The following XKR6 variants were observed in gnomAD, a reference collection of about 807,000 sequenced individuals.
The protein encoded by XKR6 is XK related 6.
A neutral mutation model predicts 56.7 loss-of-function variants in XKR6; 22 were observed. The observed-to-expected ratio is 0.39, with a 90% CI of 0.28 to 0.55. The LOEUF is 0.55. Ranked by LOEUF, XKR6 falls within the 20% of genes least tolerant of loss-of-function variation. The pLI is 0.66. For synonymous variants in XKR6, 524 were observed against 387.8 expected (o/e 1.35, Z -4.13); for missense variants, 852 against 889.0 (o/e 0.96, Z 0.53).
At chr8:11,103,752 C>G (rs1563138419) in intron 1 of XKR6, among the ~76,000 whole-genome samples, 1 of 152,186 alleles carries the variant, frequency 6.6e-6, no homozygotes, top group Non-Finnish European at 1.5e-5. Context: ...CTTGTGCTTT[C>G]TCTTCAAAAT....
At chr8:11,197,830 C>G (rs933830508) in intron 1 of XKR6, among the ~76,000 whole-genome samples, 1 of 150,816 alleles carries the variant, frequency 6.6e-6, no homozygotes, top group Admixed American at 6.6e-5. Flanking sequence ...AAGTGCCCCA[C>G]TTTAATATCG....
chr8:11,123,729 C>T lies in XKR6; in HGVS notation c.764+76847G>A, dbSNP rs180929789. 5 of 387,720 alleles carry T rather than the reference C, an allele frequency of 1.3e-5. 1 individual carries two copies. Among genetic ancestry groups the T allele is most frequent in the South Asian group, 7.6e-5 (4 of 52,544 alleles). 24.0% of individuals were successfully genotyped at this position (387,720 alleles called of 1,614,324 possible). A position where few individuals can be genotyped will look rare whatever the true frequency, so the allele number is the denominator to read the frequency against. On this transcript the variant is annotated intron_variant, in intron 1 of 2. Transcript: ENST00000416569. ...AGAGGCTGAATCTCCTGAAGAAATC[C>T]AATATGCACCCCTACCCCGGGAAAA...
intron 1 of XKR6, among the ~76,000 whole-genome samples, chr8:11,100,698 G>C (rs992711236): frequency 1.3e-5 from 2 of 152,346 alleles, no homozygotes; most frequent in Middle Eastern, 3.4e-3. Context: ...CATCTTCTCA[G>C]AAAAATGTGT....
At chr8:10,970,702 A>C (rs1336079557) in intron 1 of XKR6, among the ~76,000 whole-genome samples, 1 of 152,088 alleles carries the variant, frequency 6.6e-6, no homozygotes, top group Non-Finnish European at 1.5e-5. Context: ...TGTCTGTAAC[A>C]TACATAGACT....
chr8:10,989,771 G>A (rs1797946052), intron 1 of XKR6, among the ~76,000 whole-genome samples: 1 of 152,206 alleles, frequency 6.6e-6, no homozygotes, highest in Non-Finnish European at 1.5e-5. Flanking sequence ...TTGGTGACAT[G>A]GGAGGCAAAT....
rs576102732 is a variant in XKR6, at chr8:11,142,505, T to A, written c.764+58071A>T. Among the ~76,000 whole-genome samples the A allele has an allele frequency of 1.6e-4, 25 of 152,246 alleles. No homozygotes were observed. The South Asian group carries it at 5.2e-3, about 32-fold the overall frequency. ...GAGGTGTTTGGATCATGGGAGCAGATCCCTCATGAATGGCTTAACACCATC... is the reference window on the plus strand; with the variant it reads ...GAGGTGTTTGGATCATGGGAGCAGAACCCTCATGAATGGCTTAACACCATC... On this transcript the variant is annotated intron_variant, in intron 1 of 2. Transcript: ENST00000416569.
chr8:11,133,211 C>T (rs1800203103), intron 1 of XKR6, among the ~76,000 whole-genome samples: 1 of 152,098 alleles, frequency 6.6e-6, no homozygotes, highest in Admixed American at 6.5e-5. Context: ...AGTAAGGTAT[C>T]AAAACATGAT....
intron 2 of XKR6, among the ~76,000 whole-genome samples, chr8:10,921,809 A>G (rs1800729864): frequency 6.6e-6 from 1 of 152,220 alleles, no homozygotes. Context: ...AGAGTGGGGA[A>G]GATTTGAAAT....
intron 1 of XKR6, among the ~76,000 whole-genome samples, chr8:11,047,606 G>T (rs1053583078): frequency 7.9e-5 from 12 of 152,202 alleles, no homozygotes; most frequent in Admixed American, 6.5e-4. Flanking sequence ...AATGAGGGTT[G>T]CCAGGGGCTG....
At chr8:10,996,531 A>G (rs1694743240) in intron 1 of XKR6, among the ~76,000 whole-genome samples, 1 of 152,130 alleles carries the variant, frequency 6.6e-6, no homozygotes, top group Non-Finnish European at 1.5e-5. Flanking sequence ...TTTCTCTGCA[A>G]TTTTCCTCTT....
intron 1 of XKR6, among the ~76,000 whole-genome samples, chr8:11,121,272 T>G (rs1237016607): frequency 6.6e-6 from 1 of 151,922 alleles, no homozygotes; most frequent in African/African-American, 2.4e-5. Flanking sequence ...GGGAGAAAAT[T>G]TTTGCAACCT....
At chr8:11,077,097 G>C (rs979653464) in intron 1 of XKR6, among the ~76,000 whole-genome samples, 1 of 152,110 alleles carries the variant, frequency 6.6e-6, no homozygotes, top group Non-Finnish European at 1.5e-5. Context: ...GATCACTTGA[G>C]CCTCAGGAGT....
chr8:10,969,677 G>A lies in XKR6; in HGVS notation c.765-44847C>T, dbSNP rs116335488. Among the ~76,000 whole-genome samples, 552 of 152,334 alleles carry A rather than the reference G, an allele frequency of 3.6e-3. 7 individuals are homozygous for A. Among genetic ancestry groups the A allele is most frequent in the African/African-American group, 0.013 (529 of 41,568 alleles). ...AGCACAGCCTAGAGACAAACACTGA[G>A]TAACGTTCTTTAACAAGGACTGAAC... On this transcript the variant is annotated intron_variant, in intron 1 of 2. Transcript: ENST00000416569.
intron 1 of XKR6, chr8:11,108,485 G>A (rs961136537): frequency 5.1e-6 from 2 of 390,336 alleles, no homozygotes; most frequent in East Asian, 7.2e-5. Flanking sequence ...CAGGACATTA[G>A]TACTCAACTT....
intron 1 of XKR6, among the ~76,000 whole-genome samples, chr8:11,139,303 G>A (rs10503417): frequency 0.2 from 30,382 of 152,066 alleles, 4,129 homozygotes; most frequent in Non-Finnish European, 0.3. Context: ...CATTTCTTAC[G>A]TAACTCAAAG....
At chr8:11,186,974 A>G (rs1376936893) in intron 1 of XKR6, among the ~76,000 whole-genome samples, 1 of 152,198 alleles carries the variant, frequency 6.6e-6, no homozygotes, top group Non-Finnish European at 1.5e-5. Context: ...AAAGAAAGAG[A>G]AAAAAACCAT....
chr8:11,154,275 A>G (rs916870549), intron 1 of XKR6, among the ~76,000 whole-genome samples: 2 of 152,228 alleles, frequency 1.3e-5, no homozygotes, highest in Admixed American at 1.3e-4. Flanking sequence ...TCAATCAAAC[A>G]TGCTATCTCA....
At chr8:10,905,717 G>A (rs949579004) in intron 2 of XKR6, among the ~76,000 whole-genome samples, 5 of 152,136 alleles carry the variant, frequency 3.3e-5, no homozygotes, top group African/African-American at 1.2e-4. Flanking sequence ...TCCACCATCT[G>A]CTTTTCAAAT....
At position 10,990,895 on chromosome 8, in the gene XKR6, CTTTT is replaced by C. The variant is rs59410799; in HGVS notation, c.765-66069_765-66066del. On this transcript the variant is annotated intron_variant, in intron 1 of 2. Coordinates refer to ENST00000416569, the MANE Select transcript of XKR6 (RefSeq NM_173683.4). The stretch of plus-strand genomic sequence containing the variant: ...ACCATGCCCGGCCACTGGGGAATGT[CTTTT>C]TTTTTTTTTTTTTTTTTTTTCGAGA... Among the ~76,000 whole-genome samples, 222 of 73,584 alleles carry C rather than the reference CTTTT, an allele frequency of 3.0e-3. 2 individuals carry two copies. The highest frequency in any genetic ancestry group is 0.011 in the Middle Eastern group (1 of 90). 48.3% of individuals were successfully genotyped at this position (73,584 alleles called of 152,430 possible). A position where few individuals can be genotyped will look rare whatever the true frequency, so the allele number is the denominator to read the frequency against.
Sources: gnomAD v4.1 joint callset for allele counts (sites outside exome capture counted in the v4.1 genomes callset) on GRCh38, gnomAD v4.1.1 for gene constraint, MANE v1.5 for transcripts, NCBI Gene and HGNC (gene_info 2026-07-23, HGNC 2026-07-21) for gene names.